Variants in CDH13 observed in about 807,000 individuals in gnomAD.
CDH13 encodes cadherin-13.
CDH13 carries 24 observed loss-of-function variants against 63.8 expected under a neutral mutation model. The ratio of observed to expected loss-of-function variants is 0.38; its 90% CI spans 0.27 to 0.53. The LOEUF (loss-of-function observed/expected upper bound fraction) is 0.53. Among genes scored for constraint, CDH13 ranks in the 20% least tolerant of loss-of-function variants. The pLI is 0.85. For missense variants in CDH13, 1,049 were observed against 903.1 expected (o/e 1.16, Z -2.07); for synonymous variants, 503 against 355.3 (o/e 1.42, Z -4.67).
At chr16:83,015,451 A>G (rs1914663513) in intron 2 of CDH13, among the ~76,000 whole-genome samples, 3 of 151,686 alleles carry the variant, frequency 2.0e-5, no homozygotes, top group African/African-American at 4.8e-5. Context: ...TCTGCCTGAT[A>G]TCTTCCCAGC....
At chr16:83,346,790 A>G (rs2090849350) in intron 6 of CDH13, among the ~76,000 whole-genome samples, 1 of 152,216 alleles carries the variant, frequency 6.6e-6, no homozygotes, top group South Asian at 2.1e-4. Context: ...TTTTTTATGT[A>G]TGTTTTTTGT....
intron 1 of CDH13, among the ~76,000 whole-genome samples, chr16:82,843,521 G>T (rs1163035669): frequency 1.3e-5 from 2 of 152,110 alleles, no homozygotes; most frequent in African/African-American, 4.8e-5. Flanking sequence ...ACCAATTTGT[G>T]CTTGATTTGT....
intron 6 of CDH13, among the ~76,000 whole-genome samples, chr16:83,353,655 C>G (rs1314254580): frequency 6.6e-6 from 1 of 152,228 alleles, no homozygotes; most frequent in African/African-American, 2.4e-5. Context: ...GAGATCAGCT[C>G]AAGAGATGGA....
chr16:82,691,044 C>A (rs1212624933), intron 1 of CDH13, among the ~76,000 whole-genome samples: 1 of 152,178 alleles, frequency 6.6e-6, no homozygotes, highest in African/African-American at 2.4e-5. Context: ...AGAGAAACAC[C>A]TAGATTTTGG....
chr16:82,879,975 TC>T (rs1446613005), intron 2 of CDH13, among the ~76,000 whole-genome samples: 4 of 146,462 alleles, frequency 2.7e-5, no homozygotes, highest in Admixed American at 1.4e-4. Flanking sequence ...TATATATAGA[TC>T]CATACAGATT....
At chr16:83,468,589 C>G (rs991295863) in intron 6 of CDH13, among the ~76,000 whole-genome samples, 1 of 151,516 alleles carries the variant, frequency 6.6e-6, no homozygotes, top group Non-Finnish European at 1.5e-5. Flanking sequence ...GAGACAGAAA[C>G]CCAGCCACAC....
At chr16:82,772,598 A>T (rs1291004983) in intron 1 of CDH13, among the ~76,000 whole-genome samples, 2 of 152,228 alleles carry the variant, frequency 1.3e-5, no homozygotes, top group African/African-American at 2.4e-5. Flanking sequence ...TAACTAAGCT[A>T]CTGAATACTT....
chr16:82,913,055 G>A lies in CDH13; in HGVS notation c.157+54582G>A, dbSNP rs1224657507. Among the ~76,000 whole-genome samples the A allele has an allele frequency of 5.3e-5, 8 of 152,096 alleles. No homozygotes were observed. In the East Asian group the frequency reaches 1.5e-3, roughly 29 times the overall value. On this transcript the variant is annotated intron_variant, in intron 2 of 13. Transcript: ENST00000567109. ...ATTCAAAATCCATGAGATTGGGAATGGGATTGGGAATCTCATTATTTGCAT... is the reference window on the plus strand; with the variant it reads ...ATTCAAAATCCATGAGATTGGGAATAGGATTGGGAATCTCATTATTTGCAT...
chr16:82,972,538 C>A (rs1018120750), intron 2 of CDH13, among the ~76,000 whole-genome samples: 2 of 152,146 alleles, frequency 1.3e-5, no homozygotes, highest in African/African-American at 4.8e-5. Context: ...GCTGTGAGTA[C>A]CTCACTTCCC....
At chr16:83,397,296 A>G (rs1212229717) in intron 6 of CDH13, 1 of 152,170 alleles carries the variant, frequency 6.6e-6, no homozygotes, top group African/African-American at 2.4e-5. Flanking sequence ...AATTTAAACC[A>G]GTCAAGAAGT....
intron 3 of CDH13, among the ~76,000 whole-genome samples, chr16:83,121,452 G>T (rs8055908): frequency 0.036 from 5,432 of 152,274 alleles, 293 homozygotes; most frequent in African/African-American, 0.12. Context: ...TATTTGAGGG[G>T]GCTCATGCCA....
chr16:83,332,035 G>A (rs930934269), intron 5 of CDH13, among the ~76,000 whole-genome samples: 3 of 152,092 alleles, frequency 2.0e-5, no homozygotes, highest in Non-Finnish European at 1.5e-5. Context: ...ATTTTTTCAT[G>A]TAATTGATAA....
intron 5 of CDH13, among the ~76,000 whole-genome samples, chr16:83,273,340 TTCACCC>T (rs1333350301): frequency 2.0e-5 from 3 of 151,972 alleles, no homozygotes; most frequent in Admixed American, 1.3e-4. Context: ...CCCCCAACCC[TTCACCC>T]TCAAGTAGGC....
chr16:83,334,298 TCTCTCTCCCCC>T (rs1206900613), intron 5 of CDH13, among the ~76,000 whole-genome samples: 6 of 150,290 alleles, frequency 4.0e-5, no homozygotes, highest in Non-Finnish European at 8.9e-5. Context: ...TCTCTCTCCC[TCTCTCTCCCCC>T]CTCTCTCCCT....
intron 5 of CDH13, among the ~76,000 whole-genome samples, chr16:83,306,116 C>T (rs115590211): frequency 1.3e-5 from 2 of 152,176 alleles, no homozygotes; most frequent in African/African-American, 4.8e-5. Context: ...AAAATGTCTC[C>T]CGACATTGCC....
At chr16:83,221,657 CGGTGG>C (rs1738065862) in intron 5 of CDH13, among the ~76,000 whole-genome samples, 1 of 91,458 alleles carries the variant, frequency 1.1e-5, no homozygotes, top group African/African-American at 4.2e-5. Flanking sequence ...GGGAGGAAGA[CGGTGG>C]GGGGGCGGTT....
chr16:83,206,479 A>G (rs887928574), intron 4 of CDH13, among the ~76,000 whole-genome samples: 1 of 152,132 alleles, frequency 6.6e-6, no homozygotes, highest in Non-Finnish European at 1.5e-5. Context: ...TCTCATGCCC[A>G]GCTCCAAGAT....
At chr16:83,099,665 T>G (rs1489670920) in intron 3 of CDH13, among the ~76,000 whole-genome samples, 1 of 150,748 alleles carries the variant, frequency 6.6e-6, no homozygotes, top group Non-Finnish European at 1.5e-5. Context: ...AGCCCATGAT[T>G]CCACTCTTTC....
intron 7 of CDH13, among the ~76,000 whole-genome samples, chr16:83,494,837 A>T (rs2151576124): frequency 6.6e-6 from 1 of 152,290 alleles, no homozygotes; most frequent in South Asian, 2.1e-4. Flanking sequence ...CATAGGATAA[A>T]AGCTTGTTGA....
Sources: allele counts gnomAD v4.1 joint callset (sites outside exome capture counted in the v4.1 genomes callset), GRCh38; gene constraint gnomAD v4.1.1; transcripts MANE v1.5; gene names NCBI Gene and HGNC (gene_info 2026-07-23, HGNC 2026-07-21).